Variants in HCN1 observed in about 807,000 individuals in gnomAD.
HCN1 encodes potassium/sodium hyperpolarization-activated cyclic nucleotide-gated channel 1.
A neutral mutation model predicts 78.9 loss-of-function variants in HCN1; 13 were observed. That is an observed-to-expected ratio of 0.16 (90% CI 0.11 to 0.26). HCN1 has a LOEUF of 0.26. Ranked by LOEUF, HCN1 falls within the 10% of genes least tolerant of loss-of-function variation. The pLI is 1.00. For synonymous variants in HCN1, 552 were observed against 455.5 expected, an observed-to-expected ratio of 1.21 and a Z score of -2.70; for missense variants, 810 against 1,154.3, an observed-to-expected ratio of 0.70 and a Z score of 4.32.
At chr5:45,297,152 T>C (rs1330255882) in intron 6 of HCN1, among the ~76,000 whole-genome samples, 1 of 152,050 alleles carries the variant, frequency 6.6e-6, no homozygotes, top group East Asian at 1.9e-4. Context: ...TTAAATTAAC[T>C]AAAAGTATCT....
In HCN1 at chr5:45,523,062, T is replaced by C. The variant is rs374508022; in HGVS notation, c.850-61055A>G. Reference sequence around the variant, plus strand: ...TGTGATGTTCCCCTTCCTGTGTCCATGTGTTCTCATTGTTCAATTCCCACC... The same window carrying C: ...TGTGATGTTCCCCTTCCTGTGTCCACGTGTTCTCATTGTTCAATTCCCACC... On this transcript the variant is annotated intron_variant, in intron 2 of 7. Coordinates refer to ENST00000303230, the MANE Select transcript of HCN1 (RefSeq NM_021072.4). Among the ~76,000 whole-genome samples, 9 of 145,444 alleles carry C rather than the reference T, an allele frequency of 6.2e-5. No individual in the cohort carries two copies. In the East Asian group the frequency reaches 1.4e-3, roughly 22 times the overall value.
At chr5:45,583,395 A>C (rs375034701) in intron 2 of HCN1, among the ~76,000 whole-genome samples, 1 of 151,720 alleles carries the variant, frequency 6.6e-6, no homozygotes, top group African/African-American at 2.4e-5. Context: ...TTTTTATTGC[A>C]TCTATTTGAT....
intron 2 of HCN1, among the ~76,000 whole-genome samples, chr5:45,626,519 A>G (rs1484045507): frequency 6.6e-6 from 1 of 152,134 alleles, no homozygotes; most frequent in Non-Finnish European, 1.5e-5. Flanking sequence ...ATGCCAACAA[A>G]CAAAGACTCA....
In HCN1 at chr5:45,321,141, C is replaced by T. The variant is rs188709703; in HGVS notation, c.1378-17302G>A. 6.6e-4 allele frequency among the ~76,000 whole-genome samples: 100 copies of T among 151,682 alleles called. 1 individual carries two copies. The East Asian group carries it at 0.011, about 17-fold the overall frequency. ...TCAAAGAAATGTTTCTATTTGTTTC[C>T]TCAACGGTATCTCTGGATCTCCCTA... On this transcript the variant is annotated intron_variant, in intron 5 of 7. Coordinates refer to ENST00000303230, the MANE Select transcript of HCN1 (RefSeq NM_021072.4).
chr5:45,664,921 C>G (rs958408021), intron 1 of HCN1, among the ~76,000 whole-genome samples: 2 of 151,884 alleles, frequency 1.3e-5, no homozygotes, highest in African/African-American at 4.9e-5. Flanking sequence ...ACTAGAAATA[C>G]CATTTGACCC....
chr5:45,351,415 T>TA, intron 5 of HCN1, among the ~76,000 whole-genome samples: 1 of 114,242 alleles, frequency 8.8e-6, no homozygotes, highest in East Asian at 2.9e-4. Context: ...CCTAAAACCA[T>TA]AAAAACCCTA....
At chr5:45,567,941 CACACAT>C (rs1468954717) in intron 2 of HCN1, among the ~76,000 whole-genome samples, 49 of 150,060 alleles carry the variant, frequency 3.3e-4, no homozygotes, top group African/African-American at 8.8e-4. Context: ...CACACACACA[CACACAT>C]ATACACACAC....
intron 5 of HCN1, 44 bp from the exon 6 acceptor site, chr5:45,303,883 C>A (rs747471856): frequency 2.0e-6 from 3 of 1,531,904 alleles, no homozygotes; most frequent in Non-Finnish European, 2.7e-6. Context: ...AGATATTAAT[C>A]ATATCTGGAA....
intron 5 of HCN1, among the ~76,000 whole-genome samples, chr5:45,340,464 CT>C (rs963118936): frequency 9.2e-5 from 14 of 152,150 alleles, no homozygotes; most frequent in Admixed American, 3.9e-4. Context: ...GTCTTTCTGT[CT>C]TTTGATTTGA....
intron 1 of HCN1, among the ~76,000 whole-genome samples, chr5:45,686,919 C>T (rs1000344891): frequency 2.0e-5 from 3 of 152,130 alleles, no homozygotes; most frequent in African/African-American, 7.2e-5. Flanking sequence ...TCTATGTCTT[C>T]ATGTTGTTTG....
rs1448144949 is a variant in HCN1 at position 45,255,153 on chromosome 5, A to G, written c.*6768T>C. The stretch of plus-strand genomic sequence containing the variant: ...CTGGTTCTAACTAGCAAGTGCCAGG[A>G]GGCAGGCTGGGTTAGACAGCGTGAC... On this transcript the variant is annotated 3_prime_UTR_variant, in exon 8 of 8. Coordinates refer to ENST00000303230, the MANE Select transcript of HCN1 (RefSeq NM_021072.4). 7 of 152,224 alleles carry G rather than the reference A, an allele frequency of 4.6e-5. No individual in the cohort carries two copies. Among genetic ancestry groups the G allele is most frequent in the Non-Finnish European group, 5.9e-5 (4 of 68,044 alleles). The allele number at this position is 152,224 out of a possible 1,614,324, so 9.4% of individuals were successfully genotyped here.
intron 2 of HCN1, among the ~76,000 whole-genome samples, chr5:45,466,971 A>G (rs568666780): frequency 2.6e-5 from 4 of 152,174 alleles, no homozygotes; most frequent in Non-Finnish European, 5.9e-5. Context: ...GAACATTTCA[A>G]AACTATCATC....
intron 2 of HCN1, among the ~76,000 whole-genome samples, chr5:45,469,756 G>T (rs748136776): frequency 4.1e-4 from 62 of 151,500 alleles, no homozygotes; most frequent in Admixed American, 1.6e-3. Flanking sequence ...ACATTAAAAA[G>T]AATAATTAAA....
chr5:45,494,380 T>C (rs1741973459), intron 2 of HCN1, among the ~76,000 whole-genome samples: 1 of 152,234 alleles, frequency 6.6e-6, no homozygotes, highest in African/African-American at 2.4e-5. Flanking sequence ...ATGTGTTTTT[T>C]GGCTGCATAA....
intron 3 of HCN1, among the ~76,000 whole-genome samples, chr5:45,459,675 T>C (rs1483507656): frequency 6.6e-6 from 1 of 152,102 alleles, no homozygotes; most frequent in Admixed American, 6.6e-5. Flanking sequence ...TTTATAGACA[T>C]CCCAAAATAG....
intron 2 of HCN1, among the ~76,000 whole-genome samples, chr5:45,470,843 T>C (rs1233208930): frequency 6.6e-6 from 1 of 152,000 alleles, no homozygotes; most frequent in Non-Finnish European, 1.5e-5. Context: ...TTAACTTTTC[T>C]AGAGACCTCT....
intron 6 of HCN1, among the ~76,000 whole-genome samples, chr5:45,279,660 T>G (rs886697801): frequency 3.3e-5 from 5 of 152,134 alleles, no homozygotes; most frequent in African/African-American, 1.2e-4. Flanking sequence ...TTGCTCAGAT[T>G]AAACAATCAT....
At chr5:45,497,832 C>G (rs1742079975) in intron 2 of HCN1, among the ~76,000 whole-genome samples, 1 of 152,146 alleles carries the variant, frequency 6.6e-6, no homozygotes, top group Non-Finnish European at 1.5e-5. Flanking sequence ...TTTTATTTCT[C>G]CTTCACTTAT....
intron 2 of HCN1, among the ~76,000 whole-genome samples, chr5:45,616,337 T>C (rs566115486): frequency 2.0e-5 from 3 of 151,998 alleles, no homozygotes; most frequent in East Asian, 1.9e-4. Context: ...AATTTGAAGT[T>C]TGAGAAAAGT....
Sources: gnomAD v4.1 joint callset for allele counts (sites outside exome capture counted in the v4.1 genomes callset) on GRCh38, gnomAD v4.1.1 for gene constraint, MANE v1.5 for transcripts, NCBI Gene and HGNC (gene_info 2026-07-23, HGNC 2026-07-21) for gene names.